CSMD1: variants seen among roughly 807,000 people sequenced by gnomAD.
CSMD1 encodes CUB and Sushi multiple domains 1, also known as CUB and sushi domain-containing protein 1.
In CSMD1, 213 loss-of-function variants were observed where a neutral mutation model predicts 417.5. The observed-to-expected ratio is 0.51, with a 90% confidence interval of 0.46 to 0.57. The LOEUF (loss-of-function observed/expected upper bound fraction) is 0.57, where lower values mean the gene tolerates loss of function less well. Ranked by LOEUF, CSMD1 falls within the 20% of genes least tolerant of loss-of-function variation. CSMD1 has a pLI of 0.00. For synonymous variants in CSMD1, 2,862 were observed against 1,736.8 expected (o/e 1.65, Z -16.11); for missense variants, 6,923 against 4,529.7 (o/e 1.53, Z -15.17).
intron 3 of CSMD1, among the ~76,000 whole-genome samples, chr8:4,384,906 T>C (rs1367524032): frequency 6.6e-6 from 1 of 152,200 alleles, no homozygotes; most frequent in Non-Finnish European, 1.5e-5. Context: ...ACAGAGTGGC[T>C]GGATGGCTTC....
chr8:4,176,728 G>A (rs1000675683), intron 3 of CSMD1, among the ~76,000 whole-genome samples: 2 of 150,438 alleles, frequency 1.3e-5, no homozygotes, highest in Admixed American at 6.7e-5. Flanking sequence ...TAAAAGGATG[G>A]AGGAAGATCT....
At chr8:3,961,236 C>G (rs1812300207) in intron 5 of CSMD1, among the ~76,000 whole-genome samples, 1 of 151,966 alleles carries the variant, frequency 6.6e-6, no homozygotes, top group Admixed American at 6.6e-5. Flanking sequence ...ACCAAGTAAG[C>G]TATTGAAGAA....
At chr8:3,440,879 G>A (rs901206905) in intron 12 of CSMD1, among the ~76,000 whole-genome samples, 1 of 152,186 alleles carries the variant, frequency 6.6e-6, no homozygotes, top group East Asian at 1.9e-4. Context: ...CGTTACAGCA[G>A]GCTTGATGGT....
chr8:4,384,053 GT>G (rs1803281371), intron 3 of CSMD1, among the ~76,000 whole-genome samples: 1 of 42,896 alleles, frequency 2.3e-5, no homozygotes, highest in African/African-American at 1.8e-4. Flanking sequence ...CTTGTTCAGT[GT>G]TGTTTTTTTT....
intron 32 of CSMD1, among the ~76,000 whole-genome samples, chr8:3,200,450 G>T (rs1054839756): frequency 6.6e-5 from 10 of 151,918 alleles, no homozygotes; most frequent in African/African-American, 2.4e-4. Flanking sequence ...AGCCACTCAG[G>T]AGGCTGAGGC....
chr8:3,350,942 C>T (rs1402977507), intron 21 of CSMD1, among the ~76,000 whole-genome samples: 3 of 152,124 alleles, frequency 2.0e-5, no homozygotes, highest in Non-Finnish European at 4.4e-5. Flanking sequence ...TTAACCATCC[C>T]GTTGTAACTG....
intron 3 of CSMD1, among the ~76,000 whole-genome samples, chr8:4,358,126 C>T (rs1438470184): frequency 6.6e-6 from 1 of 152,128 alleles, no homozygotes; most frequent in African/African-American, 2.4e-5. Context: ...AATTTATTCT[C>T]AAAATTTATT....
chr8:4,781,828 C>T (rs779875494), intron 1 of CSMD1, among the ~76,000 whole-genome samples: 6 of 152,164 alleles, frequency 3.9e-5, no homozygotes, highest in Non-Finnish European at 7.3e-5. Flanking sequence ...ACATCATTCA[C>T]GATGACGGTT....
chr8:4,361,845 T>C (rs1199189186), intron 3 of CSMD1, among the ~76,000 whole-genome samples: 1 of 151,848 alleles, frequency 6.6e-6, no homozygotes, highest in Non-Finnish European at 1.5e-5. Flanking sequence ...CTCCCAGCTA[T>C]TTGGGAGGCT....
intron 3 of CSMD1, among the ~76,000 whole-genome samples, chr8:4,398,924 G>A (rs1475453255): frequency 1.3e-5 from 2 of 152,076 alleles, no homozygotes; most frequent in Non-Finnish European, 2.9e-5. Context: ...ATCCATTTAA[G>A]ATGCTCCAGA....
Position 4,408,156 on chromosome 8 carries a change from G to T in CSMD1, c.415+11797C>A, listed in dbSNP as rs543347370. 2.6e-5 allele frequency among the ~76,000 whole-genome samples: 4 copies of T among 152,292 alleles called. No homozygotes were observed. In the East Asian group the frequency reaches 5.8e-4, roughly 22 times the overall value. ...CTTCGAGTACACATGTGATTTAAAT[G>T]ACTACCAAAGCTTAGTCAGATGTAT... On this transcript the variant is annotated intron_variant, in intron 3 of 69. Transcript: ENST00000635120.
At chr8:4,285,621 C>G (rs1279223657) in intron 3 of CSMD1, among the ~76,000 whole-genome samples, 1 of 152,114 alleles carries the variant, frequency 6.6e-6, no homozygotes. Flanking sequence ...TGAGCATTGC[C>G]CTAAATGGAA....
In CSMD1 at chr8:4,058,209, T is replaced by C. The variant is rs1048076386; in HGVS notation, c.416-26110A>G. On this transcript the variant is annotated intron_variant, in intron 3 of 69. Coordinates refer to ENST00000635120, the MANE Select transcript of CSMD1 (RefSeq NM_033225.6). ...TTTCTTTGTATCCTCTTTTATTTCA[T>C]TGAGCAGTGGTTTGTAGTTCTCCTT... Among the ~76,000 whole-genome samples, 17 of 152,110 alleles carry C rather than the reference T, an allele frequency of 1.1e-4. No homozygotes were observed. In the East Asian group the frequency reaches 1.5e-3, roughly 14 times the overall value.
chr8:3,694,142 T>C (rs1312140776), intron 7 of CSMD1, among the ~76,000 whole-genome samples: 1 of 151,936 alleles, frequency 6.6e-6, no homozygotes, highest in Non-Finnish European at 1.5e-5. Flanking sequence ...GTGGTGTGTG[T>C]GTACATGCTG....
At chr8:3,036,687 A>G (rs140469259) in intron 50 of CSMD1, among the ~76,000 whole-genome samples, 17 of 152,290 alleles carry the variant, frequency 1.1e-4, no homozygotes, top group African/African-American at 3.8e-4. Context: ...AAATAAATAT[A>G]AAGTTTTTGG....
intron 2 of CSMD1, among the ~76,000 whole-genome samples, chr8:4,549,517 G>T (rs765529195): frequency 2.0e-5 from 3 of 151,936 alleles, no homozygotes; most frequent in Middle Eastern, 6.4e-3. Flanking sequence ...AGATAATTTT[G>T]CAATTCCTCC....
chr8:4,418,738 A>G (rs186542255), intron 3 of CSMD1, among the ~76,000 whole-genome samples: 179 of 152,126 alleles, frequency 1.2e-3, no homozygotes, highest in Non-Finnish European at 1.7e-3. Context: ...CTGAAAGCTA[A>G]TAACATCCAC....
intron 3 of CSMD1, among the ~76,000 whole-genome samples, chr8:4,392,348 C>T (rs969976152): frequency 6.6e-6 from 1 of 152,058 alleles, no homozygotes; most frequent in African/African-American, 2.4e-5. Context: ...GGGAAGGTCA[C>T]ATGAGGAGGA....
intron 5 of CSMD1, among the ~76,000 whole-genome samples, chr8:3,918,473 T>C (rs1441891002): frequency 2.0e-5 from 3 of 152,216 alleles, no homozygotes; most frequent in African/African-American, 7.2e-5. Flanking sequence ...TATATACCTG[T>C]TGGACGTTTG....
Sources: gnomAD v4.1 joint callset for allele counts (sites outside exome capture counted in the v4.1 genomes callset) on GRCh38, gnomAD v4.1.1 for gene constraint, MANE v1.5 for transcripts, NCBI Gene and HGNC (gene_info 2026-07-23, HGNC 2026-07-21) for gene names.